The following CPED1 variants were observed in gnomAD, a reference collection of about 807,000 sequenced individuals.
CPED1 encodes cadherin-like and PC-esterase domain-containing protein 1.
A neutral mutation model predicts 128.2 loss-of-function variants in CPED1; 114 were observed. The ratio of observed to expected loss-of-function variants is 0.89; its 90% CI spans 0.76 to 1.04. CPED1 has a LOEUF of 1.04. CPED1 is among the 50% of genes least tolerant of loss of function. The pLI, the probability that CPED1 is intolerant of heterozygous loss-of-function variation, is 0.00. For missense variants in CPED1, 1,211 were observed against 1,207.1 expected (o/e 1.00, Z -0.05); for synonymous variants, 462 against 426.7 (o/e 1.08, Z -1.02).
At chr7:121,092,709 A>T (rs1183576946) in intron 5 of CPED1, among the ~76,000 whole-genome samples, 2 of 152,174 alleles carry the variant, frequency 1.3e-5, no homozygotes, top group African/African-American at 2.4e-5. Context: ...GAGCTTGTTC[A>T]GCTAAAGCCT....
intron 3 of CPED1, among the ~76,000 whole-genome samples, chr7:121,044,156 C>A (rs1020900415): frequency 6.6e-6 from 1 of 151,988 alleles, no homozygotes; most frequent in African/African-American, 2.4e-5. Flanking sequence ...AATTTTAATA[C>A]ATAGTAGCTC....
intron 18 of CPED1, among the ~76,000 whole-genome samples, chr7:121,262,920 C>A (rs1049188078): frequency 6.6e-6 from 1 of 152,016 alleles, no homozygotes; most frequent in Non-Finnish European, 1.5e-5. Context: ...ACAAAAATTG[C>A]TTTTCCAACA....
chr7:121,219,621 C>A (rs1797833437), intron 16 of CPED1, among the ~76,000 whole-genome samples: 2 of 151,934 alleles, frequency 1.3e-5, no homozygotes, highest in African/African-American at 4.8e-5. Flanking sequence ...TAATGAATAG[C>A]CACTTTTCAG....
intron 16 of CPED1, among the ~76,000 whole-genome samples, chr7:121,155,707 A>G (rs1435468694): frequency 6.6e-6 from 1 of 152,232 alleles, no homozygotes; most frequent in Non-Finnish European, 1.5e-5. Flanking sequence ...AAATCAAATC[A>G]AAATGCAATA....
chr7:121,212,421 C>G (rs1483183025), intron 16 of CPED1, among the ~76,000 whole-genome samples: 1 of 151,974 alleles, frequency 6.6e-6, no homozygotes, highest in East Asian at 1.9e-4. Context: ...CCCCACTTCC[C>G]CTGTCTCTGT....
intron 5 of CPED1, among the ~76,000 whole-genome samples, chr7:121,078,810 A>T (rs1206942534): frequency 2.0e-5 from 3 of 152,132 alleles, no homozygotes; most frequent in African/African-American, 7.2e-5. Context: ...TCCCATGGGC[A>T]CTGTATTAGT....
intron 16 of CPED1, among the ~76,000 whole-genome samples, chr7:121,211,732 T>G (rs1797646984): frequency 6.6e-6 from 1 of 152,028 alleles, no homozygotes; most frequent in Admixed American, 6.6e-5. Context: ...CATCAGCTTT[T>G]TAAAGTGAAA....
At chr7:121,190,744 T>C (rs1052578517) in intron 16 of CPED1, among the ~76,000 whole-genome samples, 1 of 152,142 alleles carries the variant, frequency 6.6e-6, no homozygotes, top group African/African-American at 2.4e-5. Context: ...GAGAAATATA[T>C]TCCTTTTTTG....
chr7:121,175,377 T>A (rs1425639328), intron 16 of CPED1, among the ~76,000 whole-genome samples: 1 of 152,032 alleles, frequency 6.6e-6, no homozygotes, highest in Non-Finnish European at 1.5e-5. Context: ...TCTCAAGAGA[T>A]GCAGAAAAAC....
At chr7:121,158,020 G>A (rs1796330599) in intron 16 of CPED1, among the ~76,000 whole-genome samples, 1 of 151,978 alleles carries the variant, frequency 6.6e-6, no homozygotes, top group South Asian at 2.1e-4. Flanking sequence ...TTGATGAAAG[G>A]GATGCATTAT....
At chr7:121,121,100 G>A (rs1369481592) in intron 7 of CPED1, among the ~76,000 whole-genome samples, 1 of 152,080 alleles carries the variant, frequency 6.6e-6, no homozygotes, top group Non-Finnish European at 1.5e-5. Context: ...AGGTCTTATG[G>A]GAGGATGGAG....
chr7:121,076,018 C>A (rs1282644362), intron 5 of CPED1, among the ~76,000 whole-genome samples: 1 of 152,068 alleles, frequency 6.6e-6, no homozygotes, highest in Non-Finnish European at 1.5e-5. Flanking sequence ...ACTGAGACGC[C>A]CTGAGGGTGG....
chr7:121,239,049 T>C (rs1798325769), intron 17 of CPED1, among the ~76,000 whole-genome samples: 1 of 152,176 alleles, frequency 6.6e-6, no homozygotes, highest in African/African-American at 2.4e-5. Flanking sequence ...GAGGTCAGGA[T>C]AGCAGTCTGC....
chr7:121,060,192 T>C (rs1021573245), intron 4 of CPED1, among the ~76,000 whole-genome samples: 2 of 152,218 alleles, frequency 1.3e-5, no homozygotes, highest in Non-Finnish European at 2.9e-5. Context: ...TCGCCGGACC[T>C]GCAGCCCACC....
intron 7 of CPED1, among the ~76,000 whole-genome samples, chr7:121,120,993 A>AAAAAC (rs1584526652): frequency 1.3e-5 from 2 of 149,988 alleles, no homozygotes; most frequent in East Asian, 4.1e-4. Flanking sequence ...AAAAACAAAA[A>AAAAAC]AACTCACAGT....
At chr7:121,080,003 TC>T (rs1794243964) in intron 5 of CPED1, among the ~76,000 whole-genome samples, 1 of 152,170 alleles carries the variant, frequency 6.6e-6, no homozygotes, top group Admixed American at 6.5e-5. Context: ...TTGATCTAAA[TC>T]CCTCCAGCAG....
intron 7 of CPED1, among the ~76,000 whole-genome samples, chr7:121,100,364 G>C (rs924521769): frequency 1.3e-5 from 2 of 152,016 alleles, no homozygotes; most frequent in African/African-American, 4.8e-5. Context: ...TTATTACAGA[G>C]CTAGTTCACA....
At chr7:121,025,185 T>A (rs4727915) in intron 3 of CPED1, among the ~76,000 whole-genome samples, 121,063 of 151,808 alleles carry the variant, frequency 0.8, 48,560 homozygotes, top group East Asian at 0.94. Context: ...GCTTCCCTCT[T>A]ACACTGTCTC....
At chr7:121,122,583 A>G (rs1190832998) in intron 7 of CPED1, among the ~76,000 whole-genome samples, 1 of 152,204 alleles carries the variant, frequency 6.6e-6, no homozygotes. Context: ...AATCCCACAA[A>G]GTCTCACAAC....
Sources: allele counts gnomAD v4.1 joint callset (sites outside exome capture counted in the v4.1 genomes callset), GRCh38; gene constraint gnomAD v4.1.1; transcripts MANE v1.5; gene names NCBI Gene and HGNC (gene_info 2026-07-23, HGNC 2026-07-21).